Variants in SMIM35 observed in about 807,000 individuals in gnomAD.
The protein encoded by SMIM35 is TMPRSS4 antisense RNA 1 (non-protein coding).
chr11:118,058,572 ACCAGAAAT>A (rs1944349721), intron 1 of SMIM35, among the ~76,000 whole-genome samples: 1 of 152,164 alleles, frequency 6.6e-6, no homozygotes, highest in South Asian at 2.1e-4. Context: ...TAGAAGCGAA[ACCAGAAAT>A]CCAGTTGTAA....
intron 1 of SMIM35, among the ~76,000 whole-genome samples, chr11:118,059,894 C>T (rs1944370428): frequency 6.6e-6 from 1 of 152,202 alleles, no homozygotes; most frequent in Non-Finnish European, 1.5e-5. Context: ...CAGAGGCCTC[C>T]CACTCCCTCC....
intron 1 of SMIM35, among the ~76,000 whole-genome samples, chr11:118,050,803 T>C (rs1366607486): frequency 6.6e-6 from 1 of 152,184 alleles, no homozygotes; most frequent in East Asian, 1.9e-4. Flanking sequence ...CTTGGATGAT[T>C]CCTCTCTCCT....
At chr11:118,077,443 C>A in intron 1 of SMIM35, 1 of 1,001,784 alleles carries the variant, frequency 1.0e-6, no homozygotes, top group Non-Finnish European at 1.4e-6. Flanking sequence ...ACACCCAAAT[C>A]CCCTCACACC....
intron 1 of SMIM35, among the ~76,000 whole-genome samples, chr11:118,033,920 T>C (rs1192517916): frequency 6.6e-6 from 1 of 152,206 alleles, no homozygotes; most frequent in Non-Finnish European, 1.5e-5. Context: ...CCAGTTCATT[T>C]GTCTATGAAA....
intron 1 of SMIM35, among the ~76,000 whole-genome samples, chr11:118,075,834 G>A (rs778887004): frequency 9.2e-5 from 14 of 152,156 alleles, no homozygotes; most frequent in South Asian, 2.1e-4. Flanking sequence ...TAGTTTTGTC[G>A]CCCACAGAAT....
At chr11:118,038,294 T>G (rs930478077) in intron 1 of SMIM35, among the ~76,000 whole-genome samples, 1 of 152,216 alleles carries the variant, frequency 6.6e-6, no homozygotes, top group Non-Finnish European at 1.5e-5. Context: ...TTTGTGTTTG[T>G]TTTCATTTTT....
chr11:118,054,169 GT>G (rs1215142661), intron 1 of SMIM35, among the ~76,000 whole-genome samples: 8 of 79,528 alleles, frequency 1.0e-4, no homozygotes, highest in Non-Finnish European at 1.4e-4. Context: ...TTTTTGTTTT[GT>G]TTTTTTGTTT....
At chr11:118,086,729 C>G (rs538187634) in intron 1 of SMIM35, 22 bp downstream of exon 1, 5 of 153,164 alleles carry the variant, frequency 3.3e-5, no homozygotes, top group African/African-American at 4.8e-5. Flanking sequence ...GATCTTCCAG[C>G]CCTCAGTGAC....
intron 1 of SMIM35, among the ~76,000 whole-genome samples, chr11:118,072,511 A>G (rs940275795): frequency 2.0e-5 from 3 of 152,188 alleles, no homozygotes; most frequent in Non-Finnish European, 4.4e-5. Context: ...CTGGCAATTG[A>G]TATATCATCC....
chr11:118,015,766 C>T lies in SMIM35; in HGVS notation c.51G>A (p.Gly17=), dbSNP rs560628484. ...GGATGGACACGAGCAGCAGCAAGAG[C>T]CCCACGCCAAGGATCAGGCCCAAGG... ...ISTLGLILGV[G]LLLLLVSILG... Residue 17 remains glycine (G), a synonymous_variant, in exon 2 of 5, where the codon GGG becomes GGA. Transcript: ENST00000689828. 7.5e-5 allele frequency: 30 copies of T among 399,484 alleles called. No homozygotes were observed. Among genetic ancestry groups the T allele is most frequent in the African/African-American group, 5.6e-4 (27 of 48,634 alleles). The allele number at this position is 399,484 out of a possible 1,614,324, so 24.7% of individuals were successfully genotyped here. A position where few individuals can be genotyped will look rare whatever the true frequency, so the allele number is the denominator to read the frequency against.
chr11:118,083,484 G>A (rs968339698), intron 1 of SMIM35, among the ~76,000 whole-genome samples: 2 of 152,068 alleles, frequency 1.3e-5, no homozygotes, highest in South Asian at 2.1e-4. Context: ...CATAAAAGTC[G>A]CTCTTTGCTC....
rs139842119 is a variant in SMIM35 at position 118,028,209 on chromosome 11, C to T, written c.8-12400G>A. On this transcript the variant is annotated intron_variant, in intron 1 of 4. Transcript: ENST00000689828. ...AGTAGGGAGTCAGTGTAGACAACAT[C>T]GTCTCCCCGCATTTACACACAGGCA... Among the ~76,000 whole-genome samples the T allele has an allele frequency of 3.2e-3, 482 of 152,190 alleles. 3 individuals carry two copies. The highest frequency in any genetic ancestry group is 0.01 in the African/African-American group (422 of 41,520).
intron 1 of SMIM35, among the ~76,000 whole-genome samples, chr11:118,053,077 G>A (rs913968414): frequency 3.3e-4 from 50 of 152,264 alleles, no homozygotes; most frequent in African/African-American, 9.9e-4. Flanking sequence ...AGGCCATGAC[G>A]GGTGGATTAC....
At chr11:118,030,984 A>G (rs1316920914) in intron 1 of SMIM35, among the ~76,000 whole-genome samples, 1 of 152,118 alleles carries the variant, frequency 6.6e-6, no homozygotes, top group African/African-American at 2.4e-5. Context: ...ATGGCAGCAG[A>G]GATTGGATAT....
intron 1 of SMIM35, among the ~76,000 whole-genome samples, chr11:118,083,036 C>T (rs984254768): frequency 2.0e-5 from 3 of 152,178 alleles, no homozygotes; most frequent in African/African-American, 7.2e-5. Context: ...CCCGCCACTT[C>T]TGCCCTGCCT....
rs1173373623 is a variant in SMIM35 at position 118,005,407 on chromosome 11, T to C, written c.*1003A>G. 1 of 152,252 alleles carries C rather than the reference T, an allele frequency of 6.6e-6. No homozygotes were observed. Among genetic ancestry groups the C allele is most frequent in the South Asian group, 2.1e-4 (1 of 4,826 alleles). 9.4% of individuals were successfully genotyped at this position (152,252 alleles called of 1,614,324 possible). On this transcript the variant is annotated 3_prime_UTR_variant, in exon 5 of 5. Transcript: ENST00000689828. ...TTATCACCCAGTCCACACCTTTAAG[T>C]GTTATCTGGATGCTGGTGGCTTCCA... is the stretch of plus-strand genomic sequence containing the variant.
intron 1 of SMIM35, among the ~76,000 whole-genome samples, chr11:118,073,358 C>A (rs936281608): frequency 6.6e-6 from 1 of 152,326 alleles, no homozygotes; most frequent in African/African-American, 2.4e-5. Context: ...TTACGCAAAT[C>A]ATTAGTGGCT....
At chr11:118,054,164 G>GT (rs1250219875) in intron 1 of SMIM35, among the ~76,000 whole-genome samples, 17 of 105,702 alleles carry the variant, frequency 1.6e-4, no homozygotes, top group African/African-American at 5.9e-4. Flanking sequence ...GGATTTTTTT[G>GT]TTTTGTTTTT....
At chr11:118,067,862 T>C (rs1250069993) in intron 1 of SMIM35, among the ~76,000 whole-genome samples, 2 of 13,982 alleles carry the variant, frequency 1.4e-4, no homozygotes, top group Non-Finnish European at 3.3e-4. Flanking sequence ...ACAACAAACA[T>C]ATATATATAT....
Sources: gnomAD v4.1 joint callset for allele counts (sites outside exome capture counted in the v4.1 genomes callset) on GRCh38, gnomAD v4.1.1 for gene constraint, MANE v1.5 for transcripts, NCBI Gene and HGNC (gene_info 2026-07-23, HGNC 2026-07-21) for gene names.